The following LRMDA variants were observed in gnomAD, a reference collection of about 807,000 sequenced individuals.
The protein encoded by LRMDA is leucine rich melanocyte differentiation associated, also known as leucine-rich melanocyte differentiation-associated protein.
A neutral mutation model predicts 29.8 loss-of-function variants in LRMDA; 18 were observed. The observed-to-expected ratio is 0.60, with a 90% CI of 0.42 to 0.90. LRMDA has a LOEUF of 0.90. Ranked by LOEUF, LRMDA falls within the 40% of genes least tolerant of loss-of-function variation. LRMDA has a pLI of 0.00. For synonymous variants in LRMDA, 125 were observed against 109.4 expected, an observed-to-expected ratio of 1.14 and a Z score of -0.89; for missense variants, 273 against 273.9, an observed-to-expected ratio of 1.00 and a Z score of 0.02.
chr10:75,925,561 G>C (rs1214777241), intron 2 of LRMDA, among the ~76,000 whole-genome samples: 1 of 118,634 alleles, frequency 8.4e-6, no homozygotes, highest in African/African-American at 3.2e-5. Context: ...TGGAGGGGGG[G>C]AGCTTCTTTC....
At chr10:75,490,131 T>C (rs909326031) in intron 2 of LRMDA, among the ~76,000 whole-genome samples, 4 of 152,166 alleles carry the variant, frequency 2.6e-5, no homozygotes, top group African/African-American at 9.7e-5. Context: ...ATGGAAGACA[T>C]AGAGGCTCCG....
intron 2 of LRMDA, among the ~76,000 whole-genome samples, chr10:76,008,698 T>G (rs1327643221): frequency 6.6e-6 from 1 of 152,216 alleles, no homozygotes; most frequent in African/African-American, 2.4e-5. Context: ...ATCAGAGAAT[T>G]TCTTCCCTGC....
intron 2 of LRMDA, among the ~76,000 whole-genome samples, chr10:75,767,656 A>C (rs1843186921): frequency 6.6e-6 from 1 of 152,200 alleles, no homozygotes; most frequent in African/African-American, 2.4e-5. Context: ...TTGAAATTTT[A>C]AAAAGCTATT....
chr10:76,059,568 C>G (rs527584387), intron 5 of LRMDA, among the ~76,000 whole-genome samples: 11 of 152,104 alleles, frequency 7.2e-5, no homozygotes, highest in Non-Finnish European at 1.5e-4. Flanking sequence ...ACCATCATTG[C>G]CTTGAGGCTC....
chr10:76,253,193 T>A (rs1338179227), intron 5 of LRMDA, among the ~76,000 whole-genome samples: 3 of 152,190 alleles, frequency 2.0e-5, no homozygotes, highest in Non-Finnish European at 2.9e-5. Flanking sequence ...TATGGGTCTT[T>A]GGGTTTAGCC....
chr10:75,587,416 G>A (rs1002944775), intron 2 of LRMDA, among the ~76,000 whole-genome samples: 6 of 152,038 alleles, frequency 3.9e-5, no homozygotes, highest in South Asian at 2.1e-4. Context: ...ATAATATGCT[G>A]AGAAAAATGC....
At chr10:75,561,278 A>G (rs1419717095) in intron 2 of LRMDA, among the ~76,000 whole-genome samples, 1 of 150,796 alleles carries the variant, frequency 6.6e-6, no homozygotes, top group African/African-American at 2.4e-5. Context: ...TGTATGTGTC[A>G]AGGAATTTAT....
rs531116317 is a variant in LRMDA, at chr10:76,280,975, G to A, written c.517-43426G>A. Among the ~76,000 whole-genome samples, 6 of 152,210 alleles carry A rather than the reference G, an allele frequency of 3.9e-5. No individual in the cohort carries two copies. The East Asian group carries it at 9.7e-4, about 24-fold the overall frequency. On this transcript the variant is annotated intron_variant, in intron 5 of 6. Coordinates refer to ENST00000611255, the MANE Select transcript of LRMDA (RefSeq NM_001305581.2). ...AAGGATTAAAAAATTATAATCCCAG[G>A]GATGAAAAGCTTTAGCAGTTATTTA...
At chr10:75,940,913 A>T (rs1846380291) in intron 2 of LRMDA, among the ~76,000 whole-genome samples, 2 of 152,050 alleles carry the variant, frequency 1.3e-5, no homozygotes, top group Admixed American at 6.6e-5. Context: ...TGGGTTTGTT[A>T]TATCTGAATG....
intron 5 of LRMDA, among the ~76,000 whole-genome samples, chr10:76,121,295 A>G (rs1477099361): frequency 6.6e-6 from 1 of 152,010 alleles, no homozygotes; most frequent in African/African-American, 2.4e-5. Context: ...TATTAATGAG[A>G]TACTCTAGTT....
chr10:75,854,803 C>T (rs147444693), intron 2 of LRMDA, among the ~76,000 whole-genome samples: 189 of 151,698 alleles, frequency 1.2e-3, no homozygotes, highest in African/African-American at 4.0e-3. Flanking sequence ...CACCTATGAG[C>T]GAGAACATGC....
At chr10:75,987,545 C>T (rs752731161) in intron 2 of LRMDA, among the ~76,000 whole-genome samples, 14 of 152,298 alleles carry the variant, frequency 9.2e-5, no homozygotes, top group Non-Finnish European at 1.8e-4. Context: ...TTGTGAAGGT[C>T]GTGTGGATGA....
intron 2 of LRMDA, among the ~76,000 whole-genome samples, chr10:75,464,925 A>T (rs914954393): frequency 5.3e-5 from 8 of 152,164 alleles, no homozygotes; most frequent in African/African-American, 1.9e-4. Context: ...TGAACTAATG[A>T]GTAATTGGGA....
chr10:75,644,713 C>T (rs1040469250), intron 2 of LRMDA, among the ~76,000 whole-genome samples: 2 of 152,116 alleles, frequency 1.3e-5, no homozygotes, highest in African/African-American at 4.8e-5. Context: ...ATCACACTGG[C>T]CCTCTTCTAT....
At chr10:76,396,044 G>A (rs1242986177) in intron 6 of LRMDA, among the ~76,000 whole-genome samples, 1 of 152,192 alleles carries the variant, frequency 6.6e-6, no homozygotes, top group African/African-American at 2.4e-5. Flanking sequence ...TGATGAGTTA[G>A]TTAAGGGCTT....
intron 6 of LRMDA, among the ~76,000 whole-genome samples, chr10:76,330,874 C>T (rs1840896270): frequency 6.6e-6 from 1 of 152,172 alleles, no homozygotes; most frequent in Non-Finnish European, 1.5e-5. Context: ...CTACAGAAAA[C>T]AATAGCAAAG....
intron 5 of LRMDA, among the ~76,000 whole-genome samples, chr10:76,081,346 T>G (rs1411529401): frequency 2.0e-5 from 3 of 152,072 alleles, no homozygotes; most frequent in Non-Finnish European, 4.4e-5. Flanking sequence ...TGGTGGTGCC[T>G]GTAGTCCCAG....
intron 5 of LRMDA, among the ~76,000 whole-genome samples, chr10:76,166,507 C>G (rs1039617807): frequency 4.6e-5 from 7 of 152,134 alleles, no homozygotes; most frequent in African/African-American, 1.7e-4. Flanking sequence ...TCTGTTCTTC[C>G]TCTCTTATGT....
At chr10:75,949,758 C>T (rs775583686) in intron 2 of LRMDA, among the ~76,000 whole-genome samples, 1 of 152,130 alleles carries the variant, frequency 6.6e-6, no homozygotes, top group African/African-American at 2.4e-5. Flanking sequence ...GGGAAGCTTG[C>T]TTTTTGAGGA....
Sources: allele counts gnomAD v4.1 joint callset (sites outside exome capture counted in the v4.1 genomes callset), GRCh38; gene constraint gnomAD v4.1.1; transcripts MANE v1.5; gene names NCBI Gene and HGNC (gene_info 2026-07-23, HGNC 2026-07-21).